SLC2A4: variants seen among roughly 807,000 people sequenced by gnomAD.
SLC2A4 encodes the protein solute carrier family 2, facilitated glucose transporter member 4.
Under a neutral mutation model 53.3 loss-of-function variants are expected in SLC2A4, and 31 were observed. That is an observed-to-expected ratio of 0.58 (90% CI 0.44 to 0.78). SLC2A4 has a LOEUF of 0.78. Ranked by LOEUF, SLC2A4 falls within the 30% of genes least tolerant of loss-of-function variation. The pLI is 0.00. For synonymous variants in SLC2A4, 276 were observed against 281.9 expected (o/e 0.98, Z 0.21); for missense variants, 538 against 655.7 (o/e 0.82, Z 1.96).
Position 7,282,147 on chromosome 17 carries a change from A to G in SLC2A4, c.33+180A>G. The G allele has an allele frequency of 3.1e-6, 2 of 655,106 alleles. No homozygotes were observed. Among genetic ancestry groups the G allele is most frequent in the Non-Finnish European group, 5.5e-6 (2 of 362,380 alleles). The allele number at this position is 655,106 out of a possible 1,614,324, so 40.6% of individuals were successfully genotyped here. A position where few individuals can be genotyped will look rare whatever the true frequency, so the allele number is the denominator to read the frequency against. On this transcript the variant is annotated intron_variant, in intron 1 of 10. Coordinates refer to ENST00000317370, the MANE Select transcript of SLC2A4 (RefSeq NM_001042.3). The surrounding 1 kb of genome is among the most constrained non-coding windows in gnomAD (Gnocchi z 4.1). ...GACTGTGAGATTCCAATCCTACCAA[A>G]AGGCAGAGTGGGTCTGGAGGGCCTT...
At position 7,284,573 on chromosome 17, in the gene SLC2A4, A is replaced by G; in HGVS notation, c.816A>G (p.Pro272=). ...DEKRKLERER[P]LSLLQLLGSR... The stretch of plus-strand genomic sequence containing the variant: ...AGCGGAAGCTGGAGCGTGAGCGGCC[A>G]CTGTCCCTGCTCCAGCTCCTGGGCA... Residue 272 remains proline, a synonymous_variant, in exon 7 of 11, where the codon CCA becomes CCG. Coordinates refer to ENST00000317370, the MANE Select transcript of SLC2A4 (RefSeq NM_001042.3). The surrounding 1 kb of genome is among the most constrained non-coding windows in gnomAD (Gnocchi z 7.5). 1 of 1,614,134 alleles carries G rather than the reference A, an allele frequency of 6.2e-7. No homozygotes were observed. The highest frequency in any genetic ancestry group is 1.1e-5 in the South Asian group (1 of 91,088).
intron 10 of SLC2A4, 82 bp from the exon 11 acceptor site, chr17:7,286,344 G>T: frequency 8.8e-7 from 1 of 1,139,164 alleles, no homozygotes; most frequent in South Asian, 1.2e-5. Flanking sequence ...TCCCTATGAA[G>T]GCCTTTAGCT....
rs1339409425 is a variant in SLC2A4, at chr17:7,282,340, G to A, written c.33+373G>A. On this transcript the variant is annotated intron_variant, in intron 1 of 10. Coordinates refer to ENST00000317370, the MANE Select transcript of SLC2A4 (RefSeq NM_001042.3). The surrounding 1 kb of genome is among the most constrained non-coding windows in gnomAD (Gnocchi z 4.1). The stretch of plus-strand genomic sequence containing the variant: ...GCTGTCCGTCCGTCTTCGCTCACGG[G>A]CAGTGTTTCGAGGACCGGAGGCTCT... 4.1e-6 allele frequency: 2 copies of A among 484,144 alleles called. No homozygotes were observed. The highest frequency in any genetic ancestry group is 2.0e-5 in the African/African-American group (1 of 51,212). 30.0% of individuals were successfully genotyped at this position (484,144 alleles called of 1,614,324 possible).
chr17:7,286,679 C>T lies in SLC2A4; in HGVS notation c.*50C>T, dbSNP rs1202806610. 4.7e-6 allele frequency: 7 copies of T among 1,496,134 alleles called. No homozygotes were observed. The highest frequency in any genetic ancestry group is 4.7e-6 in the Non-Finnish European group (5 of 1,073,650). The allele number at this position is 1,496,134 out of a possible 1,614,324, so 92.7% of individuals were successfully genotyped here. ...CAGCTCTCTCTACCCGGCCCAGAGA[C>T]CCCTTCCTTTCCTCTGCAGCACTTT... On this transcript the variant is annotated 3_prime_UTR_variant, in exon 11 of 11. Transcript: ENST00000317370.
Position 7,285,907 on chromosome 17 carries a change from C to A in SLC2A4, c.1325C>A (p.Ala442Glu). 6.2e-7 allele frequency: 1 copy of A among 1,611,230 alleles called. No individual in the cohort carries two copies. Among genetic ancestry groups the A allele is most frequent in the Admixed American group, 1.7e-5 (1 of 59,922 alleles). The change falls in exon 10 of 11, where the codon GCG (alanine) becomes GAG (glutamate). Residue 442 changes from alanine to glutamate, a missense_variant and splice_region_variant. Physicochemically the swap from Ala to Glu is moderately radical, Grantham distance 107. Coordinates refer to ENST00000317370, the MANE Select transcript of SLC2A4 (RefSeq NM_001042.3). The surrounding 1 kb of genome is among the most constrained non-coding windows in gnomAD (Gnocchi z 6.0). Reference protein sequence around the residue: ...FIIGMGFQYVAEAMGPYVFLL... With the variant: ...FIIGMGFQYVEEAMGPYVFLL... ...ATTGGCATGGGTTTCCAGTATGTTG[C>A]GGTAGGTCCCCCCGCCCCAGCCTCC... is the stretch of plus-strand genomic sequence containing the variant.
Position 7,282,467 on chromosome 17 carries a change from C to T in SLC2A4, c.33+500C>T, listed in dbSNP as rs957449176. 1 of 452,386 alleles carries T rather than the reference C, an allele frequency of 2.2e-6. No homozygotes were observed. Among genetic ancestry groups the T allele is most frequent in the African/African-American group, 2.0e-5 (1 of 50,020 alleles). 28.0% of individuals were successfully genotyped at this position (452,386 alleles called of 1,614,324 possible). ...GCAGAGGGGACTGTCAGCCCCCCCT[C>T]CTCCAGCTCAGGTTTCCGCTTGGAG... On this transcript the variant is annotated intron_variant, in intron 1 of 10. Transcript: ENST00000317370. The surrounding 1 kb of genome is among the most constrained non-coding windows in gnomAD (Gnocchi z 4.1).
chr17:7,281,758 C>T lies in SLC2A4; in HGVS notation c.-177C>T, dbSNP rs965151956. On this transcript the variant is annotated 5_prime_UTR_variant, in exon 1 of 11. Transcript: ENST00000317370. ...CCCGCTCCACCAGATCCGCGGGAGC[C>T]CCACTGCTCTCCGGGTCCTTGGCTT... 2 of 674,188 alleles carry T rather than the reference C, an allele frequency of 3.0e-6. No homozygotes were observed. Among genetic ancestry groups the T allele is most frequent in the Non-Finnish European group, 5.4e-6 (2 of 371,088 alleles). 41.8% of individuals were successfully genotyped at this position (674,188 alleles called of 1,614,324 possible).
chr17:7,284,646 A>C lies in SLC2A4; in HGVS notation c.889A>C (p.Ser297Arg). ...GATCATTGCGGTCGTGCTGCAGCTG[A>C]GCCAGCAGCTCTCTGGCATCAATGC... is the stretch of plus-strand genomic sequence containing the variant. ...PLIIAVVLQLSQQLSGINAVF... is the reference protein window; with the variant it reads ...PLIIAVVLQLRQQLSGINAVF... The change falls in exon 7 of 11, where the codon AGC becomes CGC. Residue 297 changes from serine to arginine, a missense_variant. Ser to Arg is a moderately radical substitution (Grantham distance 110). Transcript: ENST00000317370. This position sits in a 1 kb window ranked among gnomAD's most constrained non-coding sequence, Gnocchi z 7.5. 6.2e-7 allele frequency: 1 copy of C among 1,614,096 alleles called. No homozygotes were observed. The highest frequency in any genetic ancestry group is 8.5e-7 in the Non-Finnish European group (1 of 1,180,016).
At position 7,284,035 on chromosome 17, in the gene SLC2A4, C is replaced by T. The variant is rs761318305; in HGVS notation, c.510C>T (p.Gly170=). The T allele has an allele frequency of 2.8e-5, 45 of 1,613,826 alleles. No homozygotes were observed. The highest frequency in any genetic ancestry group is 1.8e-4 in the Admixed American group (11 of 59,962). ...VGEIAPTHLR[G]ALGTLNQLAI... is the part of the protein sequence containing the mutation. ...AGATTGCTCCCACTCACCTGCGGGG[C>T]GCCCTGGGGACGCTCAACCAACTGG... The change falls in exon 5 of 11, where the codon GGC becomes GGT. Residue 170 remains glycine, a synonymous_variant. Transcript: ENST00000317370. This position sits in a 1 kb window ranked among gnomAD's most constrained non-coding sequence, Gnocchi z 7.5.
rs748499108 is a variant in SLC2A4, at chr17:7,283,204, G to C, written c.34-41G>C. Reference sequence around the variant, plus strand: ...CCCTAGCGGAAGGAAAAAAATCATGGTTCCATGTGACATGCTGTGTCTTTG... The same window carrying C: ...CCCTAGCGGAAGGAAAAAAATCATGCTTCCATGTGACATGCTGTGTCTTTG... On this transcript the variant is annotated intron_variant, in intron 1 of 10. Transcript: ENST00000317370. The surrounding 1 kb of genome is among the most constrained non-coding windows in gnomAD (Gnocchi z 5.8). The C allele has an allele frequency of 6.5e-6, 10 of 1,544,252 alleles. No homozygotes were observed. In the Admixed American group the frequency reaches 1.0e-4, roughly 15 times the overall value.
At position 7,284,732 on chromosome 17, in the gene SLC2A4, A is replaced by G. The variant is rs2072433772; in HGVS notation, c.915+60A>G. 6.2e-7 allele frequency: 1 copy of G among 1,609,000 alleles called. No individual in the cohort carries two copies. Among genetic ancestry groups the G allele is most frequent in the African/African-American group, 1.3e-5 (1 of 74,892 alleles). On this transcript the variant is annotated intron_variant, in intron 7 of 10. Transcript: ENST00000317370. The surrounding 1 kb of genome is among the most constrained non-coding windows in gnomAD (Gnocchi z 7.5). ...CCCGGGAGGGTAGACGAGAGTGGGG[A>G]GCAAACCCCCTCCACCAACACCCAG... is the stretch of plus-strand genomic sequence containing the variant.
rs1453795198 is a variant in SLC2A4 at position 7,281,761 on chromosome 17, A to T, written c.-174A>T. The T allele has an allele frequency of 1.5e-6, 1 of 688,212 alleles. No individual in the cohort carries two copies. The allele number at this position is 688,212 out of a possible 1,614,324, so 42.6% of individuals were successfully genotyped here. A position where few individuals can be genotyped will look rare whatever the true frequency, so the allele number is the denominator to read the frequency against. On this transcript the variant is annotated 5_prime_UTR_variant, in exon 1 of 11. Transcript: ENST00000317370. ...GCTCCACCAGATCCGCGGGAGCCCC[A>T]CTGCTCTCCGGGTCCTTGGCTTGTG...
In SLC2A4 at chr17:7,285,995, C is replaced by T. The variant is rs1279230914; in HGVS notation, c.1326+87C>T. ...CCACCTGCTTCCCCGTCAGGGACTC[C>T]TCCAGCCACAGACCATGGGTCTTTG... On this transcript the variant is annotated intron_variant, in intron 10 of 10. Coordinates refer to ENST00000317370, the MANE Select transcript of SLC2A4 (RefSeq NM_001042.3). The surrounding 1 kb of genome is among the most constrained non-coding windows in gnomAD (Gnocchi z 6.0). The T allele has an allele frequency of 2.4e-6, 3 of 1,263,932 alleles. No homozygotes were observed. The highest frequency in any genetic ancestry group is 3.0e-5 in the African/African-American group (2 of 67,284). The allele number at this position is 1,263,932 out of a possible 1,614,324, so 78.3% of individuals were successfully genotyped here.
rs1185022610 is a variant in SLC2A4 at position 7,283,677 on chromosome 17, C to T, written c.323+32C>T. ...AGCTGGAGGGCAGGGGTGGGGGAAA[C>T]AGGAAGGGAGCCACTGCTGGGTGCC... On this transcript the variant is annotated intron_variant, in intron 3 of 10. Transcript: ENST00000317370. This position sits in a 1 kb window ranked among gnomAD's most constrained non-coding sequence, Gnocchi z 5.8. 1 of 1,613,922 alleles carries T rather than the reference C, an allele frequency of 6.2e-7. No homozygotes were observed. Among genetic ancestry groups the T allele is most frequent in the Admixed American group, 1.7e-5 (1 of 60,022 alleles).
rs768096779 is a variant in SLC2A4 at position 7,285,300 on chromosome 17, G to A, written c.1122+111G>A. The A allele has an allele frequency of 1.3e-4, 121 of 908,268 alleles. 1 individual carries two copies. The highest frequency in any genetic ancestry group is 9.5e-4 in the Middle Eastern group (3 of 3,162). The allele number at this position is 908,268 out of a possible 1,614,324, so 56.3% of individuals were successfully genotyped here. A position where few individuals can be genotyped will look rare whatever the true frequency, so the allele number is the denominator to read the frequency against. On this transcript the variant is annotated intron_variant, in intron 9 of 10. Transcript: ENST00000317370. This position sits in a 1 kb window ranked among gnomAD's most constrained non-coding sequence, Gnocchi z 6.0. ...TAACACACATGCTTTCAATCCTGGC[G>A]CCAGCTCCGGACCAGGACTGGGGCT... is the stretch of plus-strand genomic sequence containing the variant.
rs2072415949 is a variant in SLC2A4 at position 7,283,110 on chromosome 17, T to A, written c.34-135T>A. On this transcript the variant is annotated intron_variant, in intron 1 of 10. Transcript: ENST00000317370. This position sits in a 1 kb window ranked among gnomAD's most constrained non-coding sequence, Gnocchi z 5.8. ...TGAGATCTTTGTGCAATTCCTAATA[T>A]GGCCCAGTTTCCCTCACCCAACATG... The A allele has an allele frequency of 1.3e-6, 1 of 789,884 alleles. No homozygotes were observed. The highest frequency in any genetic ancestry group is 1.7e-5 in the Admixed American group (1 of 58,636). 48.9% of individuals were successfully genotyped at this position (789,884 alleles called of 1,614,324 possible).
Position 7,282,045 on chromosome 17 carries a change from G to C in SLC2A4, c.33+78G>C. ...TGGGCTGGGGTCGCGGTTGGGGTCAGCTGGGGGTGGTTCCTGCGCAGGCGC... is the reference window on the plus strand; with the variant it reads ...TGGGCTGGGGTCGCGGTTGGGGTCACCTGGGGGTGGTTCCTGCGCAGGCGC... On this transcript the variant is annotated intron_variant, in intron 1 of 10. Transcript: ENST00000317370. This position sits in a 1 kb window ranked among gnomAD's most constrained non-coding sequence, Gnocchi z 4.1. 7.9e-7 allele frequency: 1 copy of C among 1,270,260 alleles called. No homozygotes were observed. The highest frequency in any genetic ancestry group is 1.1e-6 in the Non-Finnish European group (1 of 887,294). The allele number at this position is 1,270,260 out of a possible 1,614,324, so 78.7% of individuals were successfully genotyped here. A position where few individuals can be genotyped will look rare whatever the true frequency, so the allele number is the denominator to read the frequency against.
chr17:7,283,843 C>G lies in SLC2A4; in HGVS notation c.429C>G (p.Phe143Leu). ...ATGAAATGCTCATCCTTGGACGATT[C>G]CTCATTGGCGCCTACTCAGGTACTC... is the stretch of plus-strand genomic sequence containing the variant. ...ASYEMLILGR[F>L]LIGAYSGLTS... The change falls in exon 4 of 11, where the codon TTC becomes TTG. Residue 143 changes from phenylalanine (F) to leucine (L), a missense_variant. By Grantham distance (22) the Phe-to-Leu change is conservative (BLOSUM62 0). Coordinates refer to ENST00000317370, the MANE Select transcript of SLC2A4 (RefSeq NM_001042.3). This position sits in a 1 kb window ranked among gnomAD's most constrained non-coding sequence, Gnocchi z 5.8. 6.2e-7 allele frequency: 1 copy of G among 1,614,158 alleles called. No individual in the cohort carries two copies. The highest frequency in any genetic ancestry group is 8.5e-7 in the Non-Finnish European group (1 of 1,180,018).
In SLC2A4 at chr17:7,285,741, G is replaced by T; in HGVS notation, c.1159G>T (p.Ala387Ser). 6.2e-7 allele frequency: 1 copy of T among 1,614,220 alleles called. No individual in the cohort carries two copies. Among genetic ancestry groups the T allele is most frequent in the South Asian group, 1.1e-5 (1 of 91,092 alleles). The change falls in exon 10 of 11, where the codon GCC (alanine) becomes TCC (serine). Residue 387 changes from alanine to serine, a missense_variant. Physicochemically the swap from Ala to Ser is moderately conservative, Grantham distance 99 (BLOSUM62 1). Transcript: ENST00000317370. This position sits in a 1 kb window ranked among gnomAD's most constrained non-coding sequence, Gnocchi z 6.0. The part of the protein sequence containing the change: ...VPAMSYVSIV[A>S]IFGFVAFFEI... Reference sequence around the variant, plus strand: ...AGCCATGAGCTACGTCTCCATTGTGGCCATCTTTGGCTTCGTGGCATTTTT... The same window carrying T: ...AGCCATGAGCTACGTCTCCATTGTGTCCATCTTTGGCTTCGTGGCATTTTT...
Sources: gnomAD v4.1 joint callset for allele counts on GRCh38, gnomAD v4.1.1 for gene constraint, Gnocchi (gnomAD v3.1) non-coding constraint, MANE v1.5 for transcripts, NCBI Gene and HGNC (gene_info 2026-07-23, HGNC 2026-07-21) for gene names.